ZHX2: variants seen among roughly 807,000 people sequenced by gnomAD.
ZHX2 encodes the protein zinc fingers and homeoboxes protein 2.
In ZHX2, 6 loss-of-function variants were observed where a neutral mutation model predicts 21.9. The observed-to-expected ratio is 0.27, with a 90% confidence interval of 0.15 to 0.54. ZHX2 has a LOEUF of 0.54. Ranked by LOEUF, ZHX2 falls within the 20% of genes least tolerant of loss-of-function variation. The pLI, the probability that ZHX2 is intolerant of heterozygous loss-of-function variation, is 0.95. For missense variants in ZHX2, 908 were observed against 1,090.7 expected (o/e 0.83, Z 2.36); for synonymous variants, 434 against 437.1 (o/e 0.99, Z 0.09).
chr8:122,819,283 T>G (rs1204729416), intron 1 of ZHX2, among the ~76,000 whole-genome samples: 2 of 152,200 alleles, frequency 1.3e-5, no homozygotes, highest in Admixed American at 6.5e-5. Context: ...TCTGCACCTC[T>G]GTTTCCTCAC....
intron 2 of ZHX2, among the ~76,000 whole-genome samples, chr8:122,924,370 G>A (rs1193524995): frequency 1.3e-5 from 2 of 152,142 alleles, no homozygotes; most frequent in African/African-American, 2.4e-5. Flanking sequence ...TTTTCATAAA[G>A]ACACTAGTCA....
At chr8:122,819,548 G>A (rs1027862432) in intron 1 of ZHX2, among the ~76,000 whole-genome samples, 5 of 152,356 alleles carry the variant, frequency 3.3e-5, no homozygotes, top group African/African-American at 1.2e-4. Flanking sequence ...TGGCCAGACT[G>A]GGACACATCT....
intron 2 of ZHX2, among the ~76,000 whole-genome samples, chr8:122,911,107 C>A (rs1380471681): frequency 6.6e-6 from 1 of 152,212 alleles, no homozygotes; most frequent in African/African-American, 2.4e-5. Flanking sequence ...TCGGTCTACA[C>A]ACACGCAGGA....
At chr8:122,899,368 C>A (rs1820173530) in intron 2 of ZHX2, among the ~76,000 whole-genome samples, 1 of 152,156 alleles carries the variant, frequency 6.6e-6, no homozygotes, top group Admixed American at 6.5e-5. Flanking sequence ...CAGAGCAGGG[C>A]TTTGTTCTCA....
chr8:122,884,636 G>A (rs564343331), intron 2 of ZHX2, among the ~76,000 whole-genome samples: 2 of 152,324 alleles, frequency 1.3e-5, no homozygotes, highest in East Asian at 1.9e-4. Context: ...TATCGTGGGC[G>A]TCCGCTGGCC....
chr8:122,947,666 G>C (rs906229443), intron 2 of ZHX2, among the ~76,000 whole-genome samples: 1 of 152,212 alleles, frequency 6.6e-6, no homozygotes, highest in Admixed American at 6.5e-5. Flanking sequence ...GTTTTGCAGA[G>C]GGGCAGCTGT....
intron 1 of ZHX2, among the ~76,000 whole-genome samples, chr8:122,849,354 G>A (rs1818833740): frequency 6.6e-6 from 1 of 152,178 alleles, no homozygotes; most frequent in South Asian, 2.1e-4. Flanking sequence ...TCTATGCCTG[G>A]TCTTCCTCAT....
intron 2 of ZHX2, among the ~76,000 whole-genome samples, chr8:122,908,355 A>ATGCC (rs546325203): frequency 8.8e-4 from 134 of 152,232 alleles, no homozygotes; most frequent in South Asian, 2.3e-3. Flanking sequence ...GTGTGCCACC[A>ATGCC]TGCCTGGCCA....
At chr8:122,944,578 A>G (rs1209283143) in intron 2 of ZHX2, among the ~76,000 whole-genome samples, 1 of 152,056 alleles carries the variant, frequency 6.6e-6, no homozygotes, top group African/African-American at 2.4e-5. Flanking sequence ...CCCGCTCTAC[A>G]CTTTTAATGT....
upstream of ZHX2, chr8:122,781,152 G>A (rs1172379519): frequency 6.6e-6 from 1 of 152,174 alleles, no homozygotes; most frequent in Non-Finnish European, 1.5e-5. This position sits in a 1 kb window ranked among gnomAD's most constrained non-coding sequence, Gnocchi z 4.6. Flanking sequence ...GTGCGTGGTG[G>A]CCCCACCCGC....
In ZHX2 at chr8:122,876,845, A is replaced by C. The variant is rs775478964; in HGVS notation, c.-220+13306A>C. ...AGAAGCCCATCTTTCCTCTGCAAGG[A>C]GCCATCTGTCCCACCCAGTCAATTC... On this transcript the variant is annotated intron_variant, in intron 2 of 3. Coordinates refer to ENST00000314393, the MANE Select transcript of ZHX2 (RefSeq NM_014943.5). Among the ~76,000 whole-genome samples the C allele has an allele frequency of 1.0e-3, 155 of 152,300 alleles. 1 individual carries two copies. The highest frequency in any genetic ancestry group is 1.1e-3 in the Non-Finnish European group (74 of 68,016).
chr8:122,957,639 T>C (rs2130320850), intron 3 of ZHX2, among the ~76,000 whole-genome samples: 1 of 152,288 alleles, frequency 6.6e-6, no homozygotes, highest in Non-Finnish European at 1.5e-5. Flanking sequence ...AGCTAATTTT[T>C]CTATTTTTTT....
At chr8:122,966,366 A>G (rs1563610814) in intron 3 of ZHX2, among the ~76,000 whole-genome samples, 1 of 152,134 alleles carries the variant, frequency 6.6e-6, no homozygotes, top group Admixed American at 6.5e-5. Flanking sequence ...GAATTCTCTC[A>G]GTATTTGTTT....
chr8:122,806,303 TC>T lies in ZHX2; in HGVS notation c.-283+24359del, dbSNP rs1244836515. On this transcript the variant is annotated intron_variant, in intron 1 of 3. Coordinates refer to ENST00000314393, the MANE Select transcript of ZHX2 (RefSeq NM_014943.5). ...CTGTAGAAATGGACCCAATAAGACT[TC>T]CTTTACAGGGGCATTTGTGGAGTTT... 3.3e-5 allele frequency among the ~76,000 whole-genome samples: 5 copies of T among 152,300 alleles called. No homozygotes were observed. The East Asian group carries it at 9.6e-4, about 29-fold the overall frequency.
At chr8:122,867,091 C>T (rs1819319003) in intron 2 of ZHX2, among the ~76,000 whole-genome samples, 1 of 152,092 alleles carries the variant, frequency 6.6e-6, no homozygotes, top group Non-Finnish European at 1.5e-5. Context: ...ACCTCAGCCT[C>T]CCAAGGTGCT....
intron 1 of ZHX2, among the ~76,000 whole-genome samples, chr8:122,849,281 G>A (rs182251655): frequency 6.6e-6 from 1 of 152,270 alleles, no homozygotes; most frequent in East Asian, 1.9e-4. Flanking sequence ...AGTGGCTCCG[G>A]AGCTAGACAT....
chr8:122,849,924 A>G lies in ZHX2; in HGVS notation c.-282-13553A>G, dbSNP rs563990642. On this transcript the variant is annotated intron_variant, in intron 1 of 3. Coordinates refer to ENST00000314393, the MANE Select transcript of ZHX2 (RefSeq NM_014943.5). ...AACGTTTGTTCTTTTCATAATCTGTACTGAGCCACAATTTTATAATTACTA... is the reference window on the plus strand; with the variant it reads ...AACGTTTGTTCTTTTCATAATCTGTGCTGAGCCACAATTTTATAATTACTA... Among the ~76,000 whole-genome samples the G allele has an allele frequency of 6.6e-5, 10 of 152,158 alleles. 1 individual carries two copies. In the South Asian group the frequency reaches 1.9e-3, roughly 28 times the overall value.
At chr8:122,903,774 G>A (rs1820285500) in intron 2 of ZHX2, among the ~76,000 whole-genome samples, 1 of 152,080 alleles carries the variant, frequency 6.6e-6, no homozygotes, top group Non-Finnish European at 1.5e-5. Context: ...GTTGACACGG[G>A]GCAGGTAGAT....
rs530141905 is a variant in ZHX2, at chr8:122,947,742, G to A, written c.-219-3550G>A. Among the ~76,000 whole-genome samples the A allele has an allele frequency of 1.6e-4, 24 of 152,210 alleles. No homozygotes were observed. In the East Asian group the frequency reaches 4.6e-3, roughly 29 times the overall value. On this transcript the variant is annotated intron_variant, in intron 2 of 3. Coordinates refer to ENST00000314393, the MANE Select transcript of ZHX2 (RefSeq NM_014943.5). ...GACCTAAAAACCAGGCGGTTCTCGG[G>A]GTGGGATGTTCTGGCAGAGGTGCTG...
Sources: allele counts gnomAD v4.1 joint callset (sites outside exome capture counted in the v4.1 genomes callset), GRCh38; gene constraint gnomAD v4.1.1; non-coding constraint Gnocchi (gnomAD v3.1); transcripts MANE v1.5; gene names NCBI Gene and HGNC (gene_info 2026-07-23, HGNC 2026-07-21).